The following DNAH17 variants were observed in gnomAD, a reference collection of about 807,000 sequenced individuals.
The protein encoded by DNAH17 is axonemal beta dynein heavy chain 17.
A neutral mutation model predicts 485.6 loss-of-function variants in DNAH17; 376 were observed. The observed-to-expected ratio is 0.77, with a 90% confidence interval of 0.71 to 0.84. DNAH17 has a LOEUF of 0.84. DNAH17 is among the 40% of genes least tolerant of loss of function. The probability of loss-of-function intolerance (pLI) is 0.00; values close to 1 mark genes in which losing one functional copy is unlikely to be tolerated. For missense variants in DNAH17, 6,370 were observed against 5,839.3 expected (o/e 1.09, Z -2.96); for synonymous variants, 3,031 against 2,405.9 (o/e 1.26, Z -7.60).
intron 43 of DNAH17, 39 bp from the exon 44 acceptor site, chr17:78,490,886 C>T: frequency 6.5e-7 from 1 of 1,545,022 alleles, no homozygotes; most frequent in Non-Finnish European, 8.8e-7. Flanking sequence ...CCTAAGGCGA[C>T]ACCTGCCATC....
chr17:78,515,153 G>C (rs564651636), intron 25 of DNAH17, 131 bp from the exon 26 acceptor site: 1 of 1,043,678 alleles, frequency 9.6e-7, no homozygotes, highest in Non-Finnish European at 1.4e-6. Context: ...TAATACCCGA[G>C]ATCAGTAAAG....
At chr17:78,442,040 G>A (rs546307771) in intron 71 of DNAH17, among the ~76,000 whole-genome samples, 4 of 151,812 alleles carry the variant, frequency 2.6e-5, no homozygotes, top group South Asian at 4.2e-4. Context: ...GTGAGATGGC[G>A]CCATTGCACT....
At position 78,539,982 on chromosome 17, in the gene DNAH17, G is replaced by T. The variant is rs1002771717; in HGVS notation, c.2533-102C>A. 1.1e-5 allele frequency: 13 copies of T among 1,227,514 alleles called. No homozygotes were observed. The Admixed American group carries it at 4.1e-4, about 38-fold the overall frequency. 76.0% of individuals were successfully genotyped at this position (1,227,514 alleles called of 1,614,324 possible). On this transcript the variant is annotated intron_variant, in intron 17 of 80. Transcript: ENST00000389840. ...CTGGACCGCCCGTCCATGTTCACAC[G>T]CCGGACACACGGGGCTGCTTTGAGC...
intron 77 of DNAH17, 105 bp downstream of exon 77, chr17:78,428,420 C>T (rs780415747): frequency 2.3e-5 from 31 of 1,374,796 alleles, no homozygotes; most frequent in Non-Finnish European, 2.9e-5. Context: ...GCAGAGTGTA[C>T]CTCACCAGCA....
chr17:78,543,559 G>C (rs1422956296), intron 17 of DNAH17, among the ~76,000 whole-genome samples: 1 of 152,168 alleles, frequency 6.6e-6, no homozygotes, highest in African/African-American at 2.4e-5. Flanking sequence ...CAAAGTGCTG[G>C]GATTACAGGC....
At chr17:78,464,875 T>G (rs1195578132) in intron 56 of DNAH17, among the ~76,000 whole-genome samples, 1 of 152,272 alleles carries the variant, frequency 6.6e-6, no homozygotes, top group Non-Finnish European at 1.5e-5. Context: ...TTTACAATTC[T>G]GATGATTTGT....
In DNAH17 at chr17:78,543,821, G is replaced by C. The variant is rs1018567480; in HGVS notation, c.2532+36C>G. 4.3e-6 allele frequency: 7 copies of C among 1,613,728 alleles called. No individual in the cohort carries two copies. The South Asian group carries it at 5.5e-5, about 13-fold the overall frequency. On this transcript the variant is annotated intron_variant, in intron 17 of 80. Transcript: ENST00000389840. ...ACTCTCTCCTCCCTGCTAAAAGCAA[G>C]TGGGTTCTCAAAAAACCTCCTGGGT...
intron 65 of DNAH17, among the ~76,000 whole-genome samples, chr17:78,451,991 C>T (rs562969723): frequency 6.6e-6 from 1 of 152,096 alleles, no homozygotes; most frequent in African/African-American, 2.4e-5. Flanking sequence ...TCCACCCAGA[C>T]TCATTTACAA....
At chr17:78,434,448 T>C (rs1204885770) in intron 74 of DNAH17, among the ~76,000 whole-genome samples, 1 of 152,236 alleles carries the variant, frequency 6.6e-6, no homozygotes, top group Non-Finnish European at 1.5e-5. Context: ...TGCAATTTTA[T>C]CCCTTTTAAG....
intron 22 of DNAH17, among the ~76,000 whole-genome samples, chr17:78,527,766 G>T (rs1412610247): frequency 6.6e-6 from 1 of 152,114 alleles, no homozygotes; most frequent in East Asian, 1.9e-4. Flanking sequence ...TACTATAGTT[G>T]TAAATATTTA....
In DNAH17 at chr17:78,479,638, C is replaced by T. The variant is rs746863289; in HGVS notation, c.7753-6G>A. 8.1e-6 allele frequency: 13 copies of T among 1,612,150 alleles called. No individual in the cohort carries two copies. The South Asian group carries it at 9.9e-5, about 12-fold the overall frequency. Reference sequence around the variant, plus strand: ...GCAAACACGCAGAAATGGCGCTACCCCAAAACAACCAAACACTCCAGTCAG... The same window carrying T: ...GCAAACACGCAGAAATGGCGCTACCTCAAAACAACCAAACACTCCAGTCAG... On this transcript the variant is annotated splice_region_variant and splice_polypyrimidine_tract_variant and intron_variant, in intron 49 of 80. Coordinates refer to ENST00000389840, the MANE Select transcript of DNAH17 (RefSeq NM_173628.4).
intron 40 of DNAH17, 163 bp from the exon 41 acceptor site, chr17:78,494,336 C>T (rs754894554): frequency 8.6e-7 from 1 of 1,162,198 alleles, no homozygotes; most frequent in Non-Finnish European, 1.2e-6. Context: ...CGAGAGTTGA[C>T]ATAGCTCCAC....
intron 5 of DNAH17, 52 bp downstream of exon 5, chr17:78,571,227 C>T: frequency 6.6e-7 from 1 of 1,520,544 alleles, no homozygotes; most frequent in East Asian, 2.3e-5. Flanking sequence ...CCAGCCCTCC[C>T]AGGAGGCACA....
Position 78,567,241 on chromosome 17 carries a change from A to C in DNAH17, c.1285-75T>G, listed in dbSNP as rs1438448056. On this transcript the variant is annotated intron_variant, in intron 9 of 80. Coordinates refer to ENST00000389840, the MANE Select transcript of DNAH17 (RefSeq NM_173628.4). ...GGGTCCAGTTACAAAACTAGCTCTG[A>C]CCCCAGGCAGGAGGAGCTGGGGAGC... 6 of 1,507,250 alleles carry C rather than the reference A, an allele frequency of 4.0e-6. No homozygotes were observed. In the Admixed American group the frequency reaches 1.3e-4, roughly 32 times the overall value. 93.4% of individuals were successfully genotyped at this position (1,507,250 alleles called of 1,614,324 possible). A position where few individuals can be genotyped will look rare whatever the true frequency, so the allele number is the denominator to read the frequency against.
At chr17:78,543,287 G>GTATTTTTTTTTT (rs1200669389) in intron 17 of DNAH17, among the ~76,000 whole-genome samples, 130 of 139,246 alleles carry the variant, frequency 9.3e-4, no homozygotes, top group African/African-American at 3.2e-3. Context: ...GTTAATTTTT[G>GTATTTTTTTTTT]TTTTTTTTTT....
intron 18 of DNAH17, 106 bp downstream of exon 18, chr17:78,539,631 G>C (rs190904372): frequency 8.9e-6 from 9 of 1,010,000 alleles, no homozygotes; most frequent in Admixed American, 3.5e-5. Flanking sequence ...ATTTTAATAA[G>C]TCTATTTATA....
At position 78,571,003 on chromosome 17, in the gene DNAH17, T is replaced by G. The variant is rs374712970; in HGVS notation, c.863A>C (p.Tyr288Ser). 2.5e-6 allele frequency: 4 copies of G among 1,579,912 alleles called. No individual in the cohort carries two copies. The highest frequency in any genetic ancestry group is 3.4e-6 in the Non-Finnish European group (4 of 1,162,912). Residue 288 changes from tyrosine to serine, a missense_variant, in exon 6 of 81, where the codon TAT becomes TCT. Coordinates refer to ENST00000389840, the MANE Select transcript of DNAH17 (RefSeq NM_173628.4). ...GLKEANDIVL[Y>S]LKPLRILLEE... is the part of the protein sequence containing the mutation. Reference sequence around the variant, plus strand: ...CAGCAGGATCCGTAGGGGCTTCAAATAGAGCACGATGTCGTTGGCTTCCTT... The same window carrying G: ...CAGCAGGATCCGTAGGGGCTTCAAAGAGAGCACGATGTCGTTGGCTTCCTT...
In DNAH17 at chr17:78,425,587, A is replaced by G. The variant is rs373772953; in HGVS notation, c.12916-16T>C. The stretch of plus-strand genomic sequence containing the variant: ...CCTCGAGTTCCTGCAAGGACACACG[A>G]GCCGCTAGGAGGAGAGGACATAGAA... On this transcript the variant is annotated splice_polypyrimidine_tract_variant and intron_variant, in intron 79 of 80. Transcript: ENST00000389840. The G allele has an allele frequency of 4.4e-6, 7 of 1,589,540 alleles. No individual in the cohort carries two copies. The highest frequency in any genetic ancestry group is 6.0e-6 in the Non-Finnish European group (7 of 1,167,566).
At chr17:78,488,982 C>T (rs1356363376) in intron 44 of DNAH17, among the ~76,000 whole-genome samples, 2 of 152,114 alleles carry the variant, frequency 1.3e-5, no homozygotes, top group Admixed American at 1.3e-4. Context: ...TTCTGGCCTC[C>T]AGCACTGGGA....
Sources: allele counts gnomAD v4.1 joint callset (sites outside exome capture counted in the v4.1 genomes callset), GRCh38; gene constraint gnomAD v4.1.1; transcripts MANE v1.5; gene names NCBI Gene and HGNC (gene_info 2026-07-23, HGNC 2026-07-21).